Variants in INPP4B observed in about 807,000 individuals in gnomAD.
The protein encoded by INPP4B is inositol polyphosphate 4-phosphatase type II.
In INPP4B, 55 loss-of-function variants were observed where a neutral mutation model predicts 122.5. The observed-to-expected ratio is 0.45, with a 90% CI of 0.36 to 0.56. The LOEUF (loss-of-function observed/expected upper bound fraction) is 0.56, where lower values mean the gene tolerates loss of function less well. INPP4B is among the 20% of genes least tolerant of loss of function. The pLI is 0.00. For missense variants in INPP4B, 1,000 were observed against 1,097.7 expected, an observed-to-expected ratio of 0.91 and a Z score of 1.26; for synonymous variants, 403 against 388.7, an observed-to-expected ratio of 1.04 and a Z score of -0.43.
At chr4:142,176,808 A>G (rs767738360) in intron 15 of INPP4B, among the ~76,000 whole-genome samples, 1 of 152,156 alleles carries the variant, frequency 6.6e-6, no homozygotes, top group Non-Finnish European at 1.5e-5. Context: ...ACACCCTGTC[A>G]TTGTTTTGAC....
chr4:142,661,715 GA>G (rs1755200824), intron 2 of INPP4B, among the ~76,000 whole-genome samples: 1 of 152,188 alleles, frequency 6.6e-6, no homozygotes, highest in African/African-American at 2.4e-5. Flanking sequence ...ACCTCATTCA[GA>G]TATAGTGCAC....
intron 2 of INPP4B, among the ~76,000 whole-genome samples, chr4:142,645,345 A>C (rs955231677): frequency 6.6e-6 from 1 of 152,198 alleles, no homozygotes; most frequent in Non-Finnish European, 1.5e-5. Context: ...AGTCAGAAAA[A>C]AATTGAGCAG....
At chr4:142,334,401 G>A (rs1775808558) in intron 7 of INPP4B, among the ~76,000 whole-genome samples, 1 of 152,114 alleles carries the variant, frequency 6.6e-6, no homozygotes, top group Non-Finnish European at 1.5e-5. Flanking sequence ...TGTGAATAAT[G>A]CTGCAATGAA....
At chr4:142,794,522 A>T (rs947297692) in intron 1 of INPP4B, among the ~76,000 whole-genome samples, 1 of 152,026 alleles carries the variant, frequency 6.6e-6, no homozygotes, top group Non-Finnish European at 1.5e-5. Context: ...GAAAGTTTAC[A>T]ATTTTAAAAA....
At chr4:142,039,993 A>T (rs1344704553) in intron 25 of INPP4B, among the ~76,000 whole-genome samples, 2 of 152,070 alleles carry the variant, frequency 1.3e-5, no homozygotes, top group African/African-American at 2.4e-5. Context: ...AAATTAATTT[A>T]TCCTTTATTC....
rs528954918 is a variant in INPP4B, at chr4:142,394,306, C to T, written c.372+8632G>A. 2.0e-4 allele frequency among the ~76,000 whole-genome samples: 31 copies of T among 152,176 alleles called. No individual in the cohort carries two copies. The South Asian group carries it at 2.1e-3, about 10-fold the overall frequency. ...GACTACAGGCTCCTGTCACCACGCC[C>T]GGCTGATTTTTTGGATTTTTAGTAG... On this transcript the variant is annotated intron_variant, in intron 7 of 25. Transcript: ENST00000262992.
At chr4:142,277,451 C>T (rs1309246373) in intron 9 of INPP4B, among the ~76,000 whole-genome samples, 1 of 151,770 alleles carries the variant, frequency 6.6e-6, no homozygotes, top group Non-Finnish European at 1.5e-5. Flanking sequence ...GGAATGTAAA[C>T]TAGTATAACC....
intron 2 of INPP4B, among the ~76,000 whole-genome samples, chr4:142,616,632 T>C (rs1743763501): frequency 6.6e-6 from 1 of 152,206 alleles, no homozygotes; most frequent in African/African-American, 2.4e-5. Flanking sequence ...AAGCTGAAGA[T>C]GTTGAGCATC....
chr4:142,549,740 A>G (rs1727531421), intron 2 of INPP4B, among the ~76,000 whole-genome samples: 1 of 152,174 alleles, frequency 6.6e-6, no homozygotes, highest in Non-Finnish European at 1.5e-5. Context: ...TCTGGTAAGT[A>G]ACCTGATGGG....
intron 2 of INPP4B, among the ~76,000 whole-genome samples, chr4:142,652,684 T>G (rs188175822): frequency 4.3e-4 from 65 of 152,258 alleles, no homozygotes; most frequent in African/African-American, 1.4e-3. Context: ...GAAGAAGAAC[T>G]GCAAACCACT....
intron 25 of INPP4B, among the ~76,000 whole-genome samples, chr4:142,042,284 AAATTCAG>A (rs1156956133): frequency 1.3e-5 from 2 of 152,166 alleles, no homozygotes; most frequent in African/African-American, 4.8e-5. Flanking sequence ...CATGGAATCA[AAATTCAG>A]CTGTATCCTA....
At chr4:142,270,115 C>G (rs1277920447) in intron 10 of INPP4B, among the ~76,000 whole-genome samples, 1 of 152,186 alleles carries the variant, frequency 6.6e-6, no homozygotes, top group Non-Finnish European at 1.5e-5. Context: ...TTTCAGGAAG[C>G]AGCTTCTCCT....
chr4:142,677,218 T>C (rs191572165), intron 2 of INPP4B, among the ~76,000 whole-genome samples: 2 of 152,270 alleles, frequency 1.3e-5, no homozygotes, highest in Admixed American at 6.5e-5. Flanking sequence ...AAGACATTTA[T>C]GCAGCTAACA....
intron 2 of INPP4B, among the ~76,000 whole-genome samples, chr4:142,536,614 T>G (rs1447677422): frequency 6.6e-6 from 1 of 152,144 alleles, no homozygotes; most frequent in Non-Finnish European, 1.5e-5. Flanking sequence ...TGTCTCTTCC[T>G]GCACTTCACC....
chr4:142,299,825 A>C (rs1034438755), intron 9 of INPP4B, among the ~76,000 whole-genome samples: 1 of 151,932 alleles, frequency 6.6e-6, no homozygotes, highest in Non-Finnish European at 1.5e-5. Flanking sequence ...AAACTGGAAG[A>C]CTATTAAAAG....
chr4:142,227,994 T>C (rs998863316), intron 12 of INPP4B, among the ~76,000 whole-genome samples: 2 of 151,760 alleles, frequency 1.3e-5, no homozygotes, highest in Non-Finnish European at 2.9e-5. Flanking sequence ...AAAAGAAAAT[T>C]TTCTGAATAA....
chr4:142,221,588 T>G (rs747679383), intron 12 of INPP4B, among the ~76,000 whole-genome samples: 1 of 150,612 alleles, frequency 6.6e-6, no homozygotes. Flanking sequence ...TAAACTCCAA[T>G]GGGCCATAAG....
At chr4:142,228,259 C>G (rs1852507087) in intron 12 of INPP4B, among the ~76,000 whole-genome samples, 1 of 151,722 alleles carries the variant, frequency 6.6e-6, no homozygotes. Context: ...ATTAAGACAA[C>G]AGGAAATGTG....
At chr4:142,098,254 G>A (rs758982782) in intron 23 of INPP4B, among the ~76,000 whole-genome samples, 6 of 151,972 alleles carry the variant, frequency 3.9e-5, no homozygotes, top group Admixed American at 1.3e-4. Flanking sequence ...GAGAGAAAGC[G>A]GTGGAGAAGG....
Sources: allele counts gnomAD v4.1 joint callset (sites outside exome capture counted in the v4.1 genomes callset), GRCh38; gene constraint gnomAD v4.1.1; transcripts MANE v1.5; gene names NCBI Gene and HGNC (gene_info 2026-07-23, HGNC 2026-07-21).